ABCD2: variants seen among roughly 807,000 people sequenced by gnomAD.
ABCD2 encodes ATP-binding cassette sub-family D member 2.
In ABCD2, 36 loss-of-function variants were observed where a neutral mutation model predicts 70.9. The observed-to-expected ratio is 0.51, with a 90% CI of 0.39 to 0.67. ABCD2 has a LOEUF of 0.67. Ranked by LOEUF, ABCD2 falls within the 30% of genes least tolerant of loss-of-function variation. The pLI, the probability that ABCD2 is intolerant of heterozygous loss-of-function variation, is 0.00. For synonymous variants in ABCD2, 304 were observed against 306.9 expected, an observed-to-expected ratio of 0.99 and a Z score of 0.10; for missense variants, 729 against 890.2, an observed-to-expected ratio of 0.82 and a Z score of 2.30.
At chr12:39,536,550 G>A in the ABCD2 span, among the ~76,000 whole-genome samples, 3 of 152,154 alleles carry the variant, frequency 2.0e-5, no homozygotes, top group African/African-American at 7.2e-5. Context: ...GATTTTAACG[G>A]GAACCAATGA....
In ABCD2 at chr12:39,550,255, G is replaced by T; in HGVS notation, c.*3657C>A. On this transcript the variant is annotated 3_prime_UTR_variant, in exon 10 of 10. Coordinates refer to ENST00000308666, the MANE Select transcript of ABCD2 (RefSeq NM_005164.4). ...TGGCCATTTGCAGTATAGAAACAGG[G>T]TATTTTGTAAAAATGGAATAATTTG... The T allele has an allele frequency of 6.6e-6, 1 of 151,672 alleles. No individual in the cohort carries two copies. The highest frequency in any genetic ancestry group is 6.6e-5 in the Admixed American group (1 of 15,184). 9.4% of individuals were successfully genotyped at this position (151,672 alleles called of 1,614,324 possible). A position where few individuals can be genotyped will look rare whatever the true frequency, so the allele number is the denominator to read the frequency against.
chr12:39,603,973 C>T lies in ABCD2; in HGVS notation c.1439G>A (p.Cys480Tyr). Residue 480 changes from cysteine (C) to tyrosine (Y), a missense_variant, in exon 5 of 10, where the codon TGT becomes TAT. Transcript: ENST00000308666. ...KVIDVDHGII[C>Y]ENVPIITPAG... The stretch of plus-strand genomic sequence containing the variant: ...TGGTGTAATTATGGGAACATTTTCA[C>T]AAATAATTCCGTGATCCACATCAAT... 6.2e-7 allele frequency: 1 copy of T among 1,612,568 alleles called. No homozygotes were observed. The highest frequency in any genetic ancestry group is 1.1e-5 in the South Asian group (1 of 90,982).
chr12:39,592,042 T>C (rs909490103), intron 6 of ABCD2, among the ~76,000 whole-genome samples: 5 of 152,196 alleles, frequency 3.3e-5, no homozygotes, highest in Admixed American at 1.3e-4. Flanking sequence ...TTTACATTTA[T>C]AGATCTCTTT....
chr12:39,577,975 G>A (rs967274544), intron 8 of ABCD2, among the ~76,000 whole-genome samples: 1 of 152,102 alleles, frequency 6.6e-6, no homozygotes, highest in Non-Finnish European at 1.5e-5. Context: ...CCAACTGAGT[G>A]CTTAGTGTGA....
intron 2 of ABCD2, among the ~76,000 whole-genome samples, chr12:39,612,006 G>C (rs1356170591): frequency 6.6e-6 from 1 of 152,064 alleles, no homozygotes; most frequent in Non-Finnish European, 1.5e-5. Context: ...AACCTCAATA[G>C]TCATTAGAGA....
At position 39,564,049 on chromosome 12, in the gene ABCD2, A is replaced by T. The variant is rs180897245; in HGVS notation, c.2003+9667T>A. Reference sequence around the variant, plus strand: ...TCATTGTTGGACATTTGGCTTGATTACAAGTCTTTGCTATTGTGTAGAGTG... The same window carrying T: ...TCATTGTTGGACATTTGGCTTGATTTCAAGTCTTTGCTATTGTGTAGAGTG... On this transcript the variant is annotated intron_variant, in intron 9 of 9. Transcript: ENST00000308666. Among the ~76,000 whole-genome samples the T allele has an allele frequency of 3.3e-5, 5 of 152,262 alleles. No homozygotes were observed. In the South Asian group the frequency reaches 1.0e-3, roughly 32 times the overall value.
intron 6 of ABCD2, among the ~76,000 whole-genome samples, chr12:39,599,147 CAT>C (rs1941861377): frequency 6.6e-6 from 1 of 152,176 alleles, no homozygotes; most frequent in African/African-American, 2.4e-5. Flanking sequence ...TGCAAAGTAA[CAT>C]AGTCAAGTAT....
chr12:39,603,798 T>C (rs1391744181), intron 5 of ABCD2, 114 bp downstream of exon 5: 1 of 745,246 alleles, frequency 1.3e-6, no homozygotes, highest in African/African-American at 1.8e-5. Flanking sequence ...ATACCTTTCT[T>C]GATTTCCCCT....
chr12:39,605,769 C>T (rs1941961615), intron 3 of ABCD2, among the ~76,000 whole-genome samples: 1 of 152,014 alleles, frequency 6.6e-6, no homozygotes. Context: ...AGTTCTTGCA[C>T]AAGAATACAC....
chr12:39,581,500 T>TTC (rs1941595223), intron 7 of ABCD2, among the ~76,000 whole-genome samples: 3 of 152,128 alleles, frequency 2.0e-5, no homozygotes, highest in African/African-American at 7.2e-5. Flanking sequence ...GGAAAAATAA[T>TTC]CTTAAAATAC....
chr12:39,540,321 C>T, the ABCD2 span, among the ~76,000 whole-genome samples: 1 of 152,182 alleles, frequency 6.6e-6, no homozygotes, highest in African/African-American at 2.4e-5. Flanking sequence ...GGGAGTCATA[C>T]CTTACAAACC....
chr12:39,553,981 A>G lies in ABCD2; in HGVS notation c.2154T>C (p.Asn718=), dbSNP rs1385068742. ...AGIPKMQQRL[N]ELCKILGEDS... ...CTTCTCCCAAAATTTTACATAGTTC[A>G]TTGAGTCTCTGCTGCATTTTGGGAA... is the stretch of plus-strand genomic sequence containing the variant. Residue 718 remains asparagine, a synonymous_variant, in exon 10 of 10, where the codon AAT becomes AAC. Coordinates refer to ENST00000308666, the MANE Select transcript of ABCD2 (RefSeq NM_005164.4). 6.2e-7 allele frequency: 1 copy of G among 1,613,236 alleles called. No individual in the cohort carries two copies. The highest frequency in any genetic ancestry group is 1.1e-5 in the South Asian group (1 of 91,080).
intron 6 of ABCD2, among the ~76,000 whole-genome samples, chr12:39,589,205 C>T (rs1449101966): frequency 1.3e-5 from 2 of 152,056 alleles, no homozygotes; most frequent in African/African-American, 4.8e-5. Flanking sequence ...GAATTATCTA[C>T]CTATTTTCCC....
rs1009287914 is a variant in ABCD2 at position 39,552,062 on chromosome 12, C to T, written c.*1850G>A. 1 of 151,662 alleles carries T rather than the reference C, an allele frequency of 6.6e-6. No individual in the cohort carries two copies. The highest frequency in any genetic ancestry group is 1.5e-5 in the Non-Finnish European group (1 of 67,718). 9.4% of individuals were successfully genotyped at this position (151,662 alleles called of 1,614,324 possible). On this transcript the variant is annotated 3_prime_UTR_variant, in exon 10 of 10. Transcript: ENST00000308666. ...GGTTCCATGCTTCTTAAAAAAAAAT[C>T]TTTAATTCCTGCCTCACTTTTCTAA... is the stretch of plus-strand genomic sequence containing the variant.
At chr12:39,564,051 A>G (rs2120557297) in intron 9 of ABCD2, among the ~76,000 whole-genome samples, 1 of 152,258 alleles carries the variant, frequency 6.6e-6, no homozygotes, top group South Asian at 2.1e-4. Context: ...GCTTGATTAC[A>G]AGTCTTTGCT....
At chr12:39,537,344 G>A in the ABCD2 span, among the ~76,000 whole-genome samples, 4 of 152,122 alleles carry the variant, frequency 2.6e-5, no homozygotes, top group African/African-American at 9.7e-5. Flanking sequence ...GTAAAAGAAC[G>A]ACTGGAAAGT....
chr12:39,541,457 A>G, the ABCD2 span, among the ~76,000 whole-genome samples: 1 of 152,250 alleles, frequency 6.6e-6, no homozygotes, highest in Non-Finnish European at 1.5e-5. Flanking sequence ...CAGGAAAGGA[A>G]AAAATGACCT....
At chr12:39,536,045 G>A in the ABCD2 span, among the ~76,000 whole-genome samples, 6 of 152,240 alleles carry the variant, frequency 3.9e-5, no homozygotes, top group South Asian at 2.1e-4. Context: ...AGCCGAGATC[G>A]CGTCACCGCA....
intron 9 of ABCD2, among the ~76,000 whole-genome samples, chr12:39,562,247 G>A (rs986847985): frequency 6.6e-6 from 1 of 151,896 alleles, no homozygotes; most frequent in Admixed American, 6.6e-5. Flanking sequence ...GATTAAAAAT[G>A]TCAAATAAAC....
Sources: gnomAD v4.1 joint callset for allele counts (sites outside exome capture counted in the v4.1 genomes callset) on GRCh38, gnomAD v4.1.1 for gene constraint, MANE v1.5 for transcripts, NCBI Gene and HGNC (gene_info 2026-07-23, HGNC 2026-07-21) for gene names.